PRIM2: variants seen among roughly 807,000 people sequenced by gnomAD.
PRIM2 encodes DNA primase large subunit.
In PRIM2, 39 loss-of-function variants were observed where a neutral mutation model predicts 67.3. The ratio of observed to expected loss-of-function variants is 0.58; its 90% confidence interval spans 0.45 to 0.76. PRIM2 has a LOEUF of 0.76. PRIM2 is among the 30% of genes least tolerant of loss of function. PRIM2 has a pLI of 0.00. For missense variants in PRIM2, 398 were observed against 598.7 expected (o/e 0.66, Z 3.50); for synonymous variants, 143 against 198.7 (o/e 0.72, Z 2.36).
the PRIM2 span, among the ~76,000 whole-genome samples, chr6:57,261,958 G>A: frequency 5.9e-5 from 9 of 152,164 alleles, no homozygotes; most frequent in Non-Finnish European, 8.8e-5. Context: ...TATGTCAGCA[G>A]TATCTTTGTT....
chr6:57,382,854 A>G (rs1770010930), intron 7 of PRIM2: 1 of 152,152 alleles, frequency 6.6e-6, no homozygotes, highest in Non-Finnish European at 1.5e-5. Context: ...GCTGTTTTAA[A>G]CTGTACTGAT....
intron 8 of PRIM2, among the ~76,000 whole-genome samples, chr6:57,527,889 C>A (rs1484282191): frequency 1.3e-5 from 2 of 152,178 alleles, no homozygotes; most frequent in Non-Finnish European, 2.9e-5. Context: ...TTCATCCCCA[C>A]CCCCATGGGT....
At chr6:57,620,235 A>G (rs1246968899) in intron 12 of PRIM2, among the ~76,000 whole-genome samples, 2 of 152,200 alleles carry the variant, frequency 1.3e-5, no homozygotes, top group African/African-American at 4.8e-5. Context: ...TCATTACAAA[A>G]AGATCTTCGC....
upstream of PRIM2, among the ~76,000 whole-genome samples, chr6:57,314,010 G>C (rs1767433521): frequency 1.3e-5 from 2 of 152,228 alleles, no homozygotes; most frequent in African/African-American, 4.8e-5. Flanking sequence ...GAATTGAGCA[G>C]TGATGATTCA....
chr6:57,633,866 A>T (rs1777075036), intron 13 of PRIM2, among the ~76,000 whole-genome samples: 2 of 152,132 alleles, frequency 1.3e-5, no homozygotes. Context: ...CCACTCACTC[A>T]CCCACTGCTC....
chr6:57,270,106 C>G, the PRIM2 span, among the ~76,000 whole-genome samples: 1 of 151,702 alleles, frequency 6.6e-6, no homozygotes, highest in South Asian at 2.1e-4. Context: ...ATTGACTTGG[C>G]GATGCGGGCT....
At chr6:57,419,537 G>A (rs1308975598) in intron 7 of PRIM2, among the ~76,000 whole-genome samples, 10 of 152,278 alleles carry the variant, frequency 6.6e-5, no homozygotes, top group Admixed American at 6.5e-4. Context: ...GTTTCCTAGG[G>A]CATAGTGGCT....
intron 3 of PRIM2, among the ~76,000 whole-genome samples, chr6:57,322,840 C>T (rs1194637268): frequency 6.6e-6 from 1 of 152,120 alleles, no homozygotes; most frequent in Non-Finnish European, 1.5e-5. Context: ...CCTTTATTTT[C>T]TGTAAAGTAG....
intron 10 of PRIM2, among the ~76,000 whole-genome samples, chr6:57,557,399 C>CAATGTGG (rs1448142263): frequency 6.6e-6 from 1 of 152,084 alleles, no homozygotes; most frequent in East Asian, 1.9e-4. Flanking sequence ...TGGGTAAAGA[C>CAATGTGG]AATGTGGTAC....
intron 7 of PRIM2, among the ~76,000 whole-genome samples, chr6:57,398,530 T>C (rs1416906745): frequency 6.6e-6 from 1 of 152,188 alleles, no homozygotes; most frequent in Non-Finnish European, 1.5e-5. Flanking sequence ...ATGATTTATG[T>C]TATTTTGCAT....
At chr6:57,563,629 A>G (rs1280711879) in intron 10 of PRIM2, among the ~76,000 whole-genome samples, 5 of 152,178 alleles carry the variant, frequency 3.3e-5, no homozygotes, top group African/African-American at 1.2e-4. Flanking sequence ...TCTGACTTGT[A>G]TATGCCTTAG....
At chr6:57,246,879 G>A in the PRIM2 span, among the ~76,000 whole-genome samples, 1 of 149,578 alleles carries the variant, frequency 6.7e-6, no homozygotes, top group African/African-American at 2.5e-5. Context: ...TTTTGAGACG[G>A]AGTCTCACTC....
Position 57,524,572 on chromosome 6 carries a change from G to A in PRIM2, c.762-7839G>A, listed in dbSNP as rs1774702882. On this transcript the variant is annotated intron_variant, in intron 8 of 13. Coordinates refer to ENST00000615550, the MANE Select transcript of PRIM2 (RefSeq NM_000947.5). ...CAAAATTAGCCAGGCATGGTGGCAC[G>A]TGCATGTAATCCCAGCTACTCGGGA... Among the ~76,000 whole-genome samples, 4 of 152,136 alleles carry A rather than the reference G, an allele frequency of 2.6e-5. No homozygotes were observed. In the South Asian group the frequency reaches 6.2e-4, roughly 24 times the overall value.
intron 5 of PRIM2, among the ~76,000 whole-genome samples, chr6:57,339,497 C>T (rs903071651): frequency 1.4e-4 from 22 of 152,070 alleles, no homozygotes; most frequent in African/African-American, 5.1e-4. Context: ...GGTACTGGTA[C>T]CAAAACAGAG....
At chr6:57,468,075 C>T (rs1344298197) in intron 7 of PRIM2, among the ~76,000 whole-genome samples, 18 of 152,196 alleles carry the variant, frequency 1.2e-4, no homozygotes, top group Non-Finnish European at 1.9e-4. Flanking sequence ...CATCTGCAAA[C>T]AGAGGCAATT....
chr6:57,450,593 A>G (rs1772510245), intron 7 of PRIM2, among the ~76,000 whole-genome samples: 1 of 152,238 alleles, frequency 6.6e-6, no homozygotes. Context: ...GGCTAATTTA[A>G]CGTGTTAATA....
At chr6:57,318,392 C>A (rs990388135) in intron 1 of PRIM2, 45 bp from the exon 2 acceptor site, 10 of 1,499,814 alleles carry the variant, frequency 6.7e-6, no homozygotes, top group African/African-American at 1.4e-5. Context: ...TTTCCCCCAA[C>A]TTTGTTTTCC....
At chr6:57,594,138 C>T (rs1776327086) in intron 10 of PRIM2, among the ~76,000 whole-genome samples, 1 of 152,164 alleles carries the variant, frequency 6.6e-6, no homozygotes, top group Admixed American at 6.5e-5. Flanking sequence ...TTTGTTTTCA[C>T]CAGTGAAATT....
chr6:57,225,939 T>C, the PRIM2 span, among the ~76,000 whole-genome samples: 1 of 152,234 alleles, frequency 6.6e-6, no homozygotes, highest in Admixed American at 6.5e-5. Context: ...TTTCTAGTAC[T>C]TTCTAGGCAG....
Sources: allele counts gnomAD v4.1 joint callset (sites outside exome capture counted in the v4.1 genomes callset), GRCh38; gene constraint gnomAD v4.1.1; transcripts MANE v1.5; gene names NCBI Gene and HGNC (gene_info 2026-07-23, HGNC 2026-07-21).